Variants in EYS observed in about 807,000 individuals in gnomAD.
The protein encoded by EYS is EGF-like photoreceptor maintenance factor, also known as protein eyes shut homolog.
Under a neutral mutation model 282.1 loss-of-function variants are expected in EYS, and 250 were observed. That is an observed-to-expected ratio of 0.89 (90% CI 0.80 to 0.98). EYS has a LOEUF of 0.98. EYS is among the 50% of genes least tolerant of loss of function. The pLI is 0.00. For synonymous variants in EYS, 1,355 were observed against 1,282.9 expected (o/e 1.06, Z -1.20); for missense variants, 4,016 against 3,709.0 (o/e 1.08, Z -2.15).
intron 26 of EYS, among the ~76,000 whole-genome samples, chr6:64,573,940 G>A (rs981060797): frequency 1.3e-5 from 2 of 151,826 alleles, no homozygotes; most frequent in Non-Finnish European, 2.9e-5. Context: ...ATACTCAAAG[G>A]ATTATAAATA....
chr6:64,657,387 T>C (rs1768790144), intron 22 of EYS, among the ~76,000 whole-genome samples: 1 of 152,200 alleles, frequency 6.6e-6, no homozygotes, highest in Non-Finnish European at 1.5e-5. Flanking sequence ...GTGAATTTGA[T>C]TCTGTCATTA....
chr6:63,959,010 T>A (rs1765941742), intron 35 of EYS, among the ~76,000 whole-genome samples: 1 of 152,202 alleles, frequency 6.6e-6, no homozygotes, highest in Non-Finnish European at 1.5e-5. Flanking sequence ...TGGGTCCAGG[T>A]GTATTTTGAC....
At chr6:65,373,752 A>T (rs1765251361) in intron 8 of EYS, among the ~76,000 whole-genome samples, 2 of 152,116 alleles carry the variant, frequency 1.3e-5, no homozygotes, top group Admixed American at 1.3e-4. Context: ...GTTTAATTTG[A>T]TTAATTTTCC....
intron 2 of EYS, among the ~76,000 whole-genome samples, chr6:65,594,700 G>A (rs2149786638): frequency 6.6e-6 from 1 of 152,182 alleles, no homozygotes; most frequent in Admixed American, 6.6e-5. Flanking sequence ...GGCTTTTGTT[G>A]CCATTGCTTT....
intron 31 of EYS, among the ~76,000 whole-genome samples, chr6:64,193,680 G>T (rs1765187783): frequency 6.6e-6 from 1 of 151,922 alleles, no homozygotes; most frequent in Non-Finnish European, 1.5e-5. Flanking sequence ...GCCCTGGTGT[G>T]TGATGTTCCC....
At chr6:65,485,957 A>G (rs1461016272) in intron 5 of EYS, among the ~76,000 whole-genome samples, 1 of 152,224 alleles carries the variant, frequency 6.6e-6, no homozygotes, top group Non-Finnish European at 1.5e-5. Context: ...ATCTGACAAT[A>G]TTGGTAGTGC....
intron 12 of EYS, among the ~76,000 whole-genome samples, chr6:65,229,335 G>A (rs145338012): frequency 0.012 from 1,797 of 151,944 alleles, 22 homozygotes; most frequent in Non-Finnish European, 0.018. Flanking sequence ...CAACTTTTTC[G>A]TTGAGCAAGA....
At chr6:65,651,249 A>ATT (rs1321722598) in intron 1 of EYS, among the ~76,000 whole-genome samples, 1 of 152,066 alleles carries the variant, frequency 6.6e-6, no homozygotes. Context: ...TACCTAAAGG[A>ATT]ACTGTTTAAA....
intron 30 of EYS, among the ~76,000 whole-genome samples, chr6:64,248,273 C>G (rs35202570): frequency 0.36 from 54,027 of 151,106 alleles, 9,741 homozygotes; most frequent in East Asian, 0.54. Flanking sequence ...TGTCAGCCAT[C>G]ATTTAAGGCA....
chr6:64,615,311 C>T (rs1007263898), intron 24 of EYS, among the ~76,000 whole-genome samples: 2 of 151,854 alleles, frequency 1.3e-5, no homozygotes, highest in African/African-American at 4.8e-5. Flanking sequence ...TTTTAATATC[C>T]CATTTGCACT....
chr6:64,501,378 CAA>C (rs1366597636), intron 26 of EYS, among the ~76,000 whole-genome samples: 1 of 151,520 alleles, frequency 6.6e-6, no homozygotes, highest in African/African-American at 2.4e-5. Flanking sequence ...AAAGCAGAAA[CAA>C]AAAACGTTAT....
intron 26 of EYS, among the ~76,000 whole-genome samples, chr6:64,510,647 C>A (rs1777360516): frequency 6.6e-6 from 1 of 152,106 alleles, no homozygotes; most frequent in African/African-American, 2.4e-5. Flanking sequence ...GTTTTAAAAT[C>A]ATAAATTATA....
Position 64,510,927 on chromosome 6 carries a change from C to T in EYS, c.5645-71575G>A, listed in dbSNP as rs138795621. ...ATCCCAACAGCCACTTGGCTTCCCACCTGGGGCCACGCTTAAGAGATCCAG... is the reference window on the plus strand; with the variant it reads ...ATCCCAACAGCCACTTGGCTTCCCATCTGGGGCCACGCTTAAGAGATCCAG... On this transcript the variant is annotated intron_variant, in intron 26 of 42. Transcript: ENST00000503581. Among the ~76,000 whole-genome samples the T allele has an allele frequency of 3.2e-3, 494 of 152,098 alleles. 11 individuals are homozygous for T. Among genetic ancestry groups the T allele is most frequent in the Admixed American group, 0.029 (435 of 15,252 alleles).
intron 12 of EYS, among the ~76,000 whole-genome samples, chr6:65,169,687 C>T (rs992657943): frequency 1.3e-5 from 2 of 151,324 alleles, no homozygotes; most frequent in Non-Finnish European, 3.0e-5. Flanking sequence ...GAGAGCAAGT[C>T]TATATATACT....
intron 22 of EYS, among the ~76,000 whole-genome samples, chr6:64,758,891 C>A (rs879380465): frequency 3.3e-5 from 5 of 152,196 alleles, no homozygotes; most frequent in Non-Finnish European, 5.9e-5. Context: ...GTAATCCCAG[C>A]ACTTTGGAAG....
intron 31 of EYS, among the ~76,000 whole-genome samples, chr6:64,107,285 T>TTATATATATATATATATA (rs55756711): frequency 2.3e-4 from 23 of 101,506 alleles, no homozygotes; most frequent in Non-Finnish European, 3.4e-4. Flanking sequence ...ATATATATAT[T>TTATATATATATATATATA]TATATATATA....
intron 22 of EYS, among the ~76,000 whole-genome samples, chr6:64,811,166 C>T (rs1397201281): frequency 1.3e-5 from 2 of 152,032 alleles, no homozygotes; most frequent in African/African-American, 4.8e-5. Context: ...GTTGATTTGG[C>T]ACCAGCTCTG....
intron 7 of EYS, among the ~76,000 whole-genome samples, chr6:65,391,367 C>T (rs890091533): frequency 4.6e-5 from 7 of 151,980 alleles, no homozygotes; most frequent in Non-Finnish European, 8.8e-5. Context: ...TATATTTAAA[C>T]TTTAAAAAAC....
chr6:65,416,885 T>C (rs1294108542), intron 5 of EYS, among the ~76,000 whole-genome samples: 1 of 151,908 alleles, frequency 6.6e-6, no homozygotes, highest in East Asian at 1.9e-4. Context: ...GGAGCTCTGT[T>C]CAAGAACTTG....
Sources: allele counts gnomAD v4.1 joint callset (sites outside exome capture counted in the v4.1 genomes callset), GRCh38; gene constraint gnomAD v4.1.1; transcripts MANE v1.5; gene names NCBI Gene and HGNC (gene_info 2026-07-23, HGNC 2026-07-21).